WDR33: variants seen among roughly 807,000 people sequenced by gnomAD.
The protein encoded by WDR33 is WD repeat domain 33.
A neutral mutation model predicts 164.9 loss-of-function variants in WDR33; 47 were observed. That is an observed-to-expected ratio of 0.29 (90% CI 0.23 to 0.36). WDR33 has a LOEUF of 0.36. Ranked by LOEUF, WDR33 falls within the 10% of genes least tolerant of loss-of-function variation. WDR33 has a pLI of 1.00. For synonymous variants in WDR33, 505 were observed against 589.0 expected, an observed-to-expected ratio of 0.86 and a Z score of 2.06; for missense variants, 1,137 against 1,754.1, an observed-to-expected ratio of 0.65 and a Z score of 6.28.
intron 7 of WDR33, among the ~76,000 whole-genome samples, chr2:127,751,127 G>A (rs964195887): frequency 5.3e-5 from 8 of 151,912 alleles, no homozygotes; most frequent in Admixed American, 3.9e-4. Flanking sequence ...TTGGAAGGCA[G>A]AGGCGGGAGG....
Position 127,719,243 on chromosome 2 carries a change from G to A in WDR33, c.2760+22C>T, listed in dbSNP as rs75921649. On this transcript the variant is annotated intron_variant, in intron 16 of 21. Transcript: ENST00000322313. The surrounding 1 kb of genome is among the most constrained non-coding windows in gnomAD (Gnocchi z 6.5). ...CAGAGTGTATTTTCCCAATGTGCCCGTGAGTTGGAAATGAATAATACCTGG... is the reference window on the plus strand; with the variant it reads ...CAGAGTGTATTTTCCCAATGTGCCCATGAGTTGGAAATGAATAATACCTGG... 14 of 1,396,346 alleles carry A rather than the reference G, an allele frequency of 1.0e-5. No individual in the cohort carries two copies. The highest frequency in any genetic ancestry group is 1.9e-4 in the Middle Eastern group (1 of 5,216). The allele number at this position is 1,396,346 out of a possible 1,614,324, so 86.5% of individuals were successfully genotyped here. A position where few individuals can be genotyped will look rare whatever the true frequency, so the allele number is the denominator to read the frequency against.
intron 4 of WDR33, 93 bp from the exon 5 acceptor site, chr2:127,765,362 CATT>C: frequency 1.2e-6 from 1 of 860,570 alleles, no homozygotes; most frequent in Non-Finnish European, 1.8e-6. Flanking sequence ...CAATAACTGA[CATT>C]AAATAATGAT....
chr2:127,746,011 C>T (rs1243846120), intron 7 of WDR33, among the ~76,000 whole-genome samples: 20 of 138,230 alleles, frequency 1.4e-4, no homozygotes, highest in Non-Finnish European at 1.5e-5. Flanking sequence ...GGAGACAGAG[C>T]GAGACTCTGT....
At position 127,738,148 on chromosome 2, in the gene WDR33, G is replaced by A; in HGVS notation, c.725-11371C>T. The A allele has an allele frequency of 1.7e-6, 2 of 1,197,606 alleles. No individual in the cohort carries two copies. Among genetic ancestry groups the A allele is most frequent in the Non-Finnish European group, 2.2e-6 (2 of 890,810 alleles). 74.2% of individuals were successfully genotyped at this position (1,197,606 alleles called of 1,614,324 possible). A position where few individuals can be genotyped will look rare whatever the true frequency, so the allele number is the denominator to read the frequency against. ...GGCAGATTGTGTAATTTCCAGATAT[G>A]ACTGAGATTTTTTTCTATTAATGAG... is the stretch of plus-strand genomic sequence containing the variant. On this transcript the variant is annotated intron_variant, in intron 7 of 21. Coordinates refer to ENST00000322313, the MANE Select transcript of WDR33 (RefSeq NM_018383.5). This position sits in a 1 kb window ranked among gnomAD's most constrained non-coding sequence, Gnocchi z 4.4.
Position 127,724,584 on chromosome 2 carries a change from C to T in WDR33, c.1086-141G>A, listed in dbSNP as rs184990812. 139 of 744,388 alleles carry T rather than the reference C, an allele frequency of 1.9e-4. 1 individual carries two copies. The East Asian group carries it at 2.1e-3, about 11-fold the overall frequency. The allele number at this position is 744,388 out of a possible 1,614,324, so 46.1% of individuals were successfully genotyped here. A position where few individuals can be genotyped will look rare whatever the true frequency, so the allele number is the denominator to read the frequency against. On this transcript the variant is annotated intron_variant, in intron 10 of 21. Transcript: ENST00000322313. This position sits in a 1 kb window ranked among gnomAD's most constrained non-coding sequence, Gnocchi z 4.8. ...GGACTCTGGTGAATTCCACATGTCT[C>T]GGGGTATTGGCTTGTCATTGCCAAA...
chr2:127,776,261 A>C (rs1688180324), intron 1 of WDR33, among the ~76,000 whole-genome samples: 1 of 152,210 alleles, frequency 6.6e-6, no homozygotes, highest in Non-Finnish European at 1.5e-5. Flanking sequence ...GCTCTCCAGG[A>C]ACCAGCCCTG....
chr2:127,786,986 T>G (rs890058780), intron 1 of WDR33, among the ~76,000 whole-genome samples: 1 of 120,722 alleles, frequency 8.3e-6, no homozygotes, highest in Non-Finnish European at 1.7e-5. Flanking sequence ...CTGGTTTTCC[T>G]AGGCAGAGGA....
rs1686411133 is a variant in WDR33, at chr2:127,720,486, G to GT, written c.1672-134dup. The GT allele has an allele frequency of 9.1e-7, 1 of 1,095,314 alleles. No individual in the cohort carries two copies. Among genetic ancestry groups the GT allele is most frequent in the African/African-American group, 1.6e-5 (1 of 62,504 alleles). The allele number at this position is 1,095,314 out of a possible 1,614,324, so 67.8% of individuals were successfully genotyped here. A position where few individuals can be genotyped will look rare whatever the true frequency, so the allele number is the denominator to read the frequency against. ...TGCTCAAACTCTTCACGCTCCAGTGGTAATTAGAGTCCATGCAACACTCAA... is the reference window on the plus strand; with the variant it reads ...TGCTCAAACTCTTCACGCTCCAGTGGTTAATTAGAGTCCATGCAACACTCAA... On this transcript the variant is annotated intron_variant, in intron 15 of 21. Coordinates refer to ENST00000322313, the MANE Select transcript of WDR33 (RefSeq NM_018383.5). This position sits in a 1 kb window ranked among gnomAD's most constrained non-coding sequence, Gnocchi z 5.9.
At chr2:127,742,808 A>T (rs1687055806) in intron 7 of WDR33, among the ~76,000 whole-genome samples, 1 of 151,802 alleles carries the variant, frequency 6.6e-6, no homozygotes, top group South Asian at 2.1e-4. Flanking sequence ...ACTGCAGATG[A>T]CAGTATGCCA....
At chr2:127,760,044 T>C (rs1687632239) in intron 7 of WDR33, among the ~76,000 whole-genome samples, 1 of 152,320 alleles carries the variant, frequency 6.6e-6, no homozygotes, top group South Asian at 2.1e-4. Flanking sequence ...ATTTTTGGTA[T>C]TCCCGTAGGC....
chr2:127,701,508 T>C lies in WDR33; in HGVS notation c.*4815A>G. 5 of 1,287,020 alleles carry C rather than the reference T, an allele frequency of 3.9e-6. No individual in the cohort carries two copies. The South Asian group carries it at 7.8e-5, about 20-fold the overall frequency. 79.7% of individuals were successfully genotyped at this position (1,287,020 alleles called of 1,614,324 possible). A position where few individuals can be genotyped will look rare whatever the true frequency, so the allele number is the denominator to read the frequency against. ...CGGAAGTGAGCCGCAGCTTTTCCTT[T>C]CTGCCACCGCCTTGTCCAAGATGGC... On this transcript the variant is annotated 3_prime_UTR_variant, in exon 22 of 22. Transcript: ENST00000322313.
intron 7 of WDR33, among the ~76,000 whole-genome samples, chr2:127,731,294 CAAAAA>C (rs35161101): frequency 1.4e-5 from 1 of 70,326 alleles, no homozygotes; most frequent in Non-Finnish European, 2.7e-5. Flanking sequence ...GACCCTGCCT[CAAAAA>C]AAAAAAAAAA....
At chr2:127,734,753 T>C (rs1172754901) in intron 7 of WDR33, among the ~76,000 whole-genome samples, 2 of 152,162 alleles carry the variant, frequency 1.3e-5, no homozygotes, top group Non-Finnish European at 2.9e-5. Flanking sequence ...AAGTTAATAC[T>C]TAGAATAAAA....
chr2:127,701,473 A>C lies in WDR33; in HGVS notation c.*4850T>G. ...TGCCGCCCGAAGACCGAACCGCTTC[A>C]GCGGAGGGCCGGAAGTGAGCCGCAG... On this transcript the variant is annotated 3_prime_UTR_variant, in exon 22 of 22. Coordinates refer to ENST00000322313, the MANE Select transcript of WDR33 (RefSeq NM_018383.5). 8.0e-7 allele frequency: 1 copy of C among 1,245,460 alleles called. No homozygotes were observed. The highest frequency in any genetic ancestry group is 1.0e-6 in the Non-Finnish European group (1 of 991,356). The allele number at this position is 1,245,460 out of a possible 1,614,324, so 77.2% of individuals were successfully genotyped here. A position where few individuals can be genotyped will look rare whatever the true frequency, so the allele number is the denominator to read the frequency against.
At chr2:127,756,838 T>C (rs1299667397) in intron 7 of WDR33, among the ~76,000 whole-genome samples, 2 of 152,058 alleles carry the variant, frequency 1.3e-5, no homozygotes, top group Non-Finnish European at 2.9e-5. Flanking sequence ...TCCCAGCACT[T>C]TGGGAGGCCA....
intron 7 of WDR33, among the ~76,000 whole-genome samples, chr2:127,749,778 G>C (rs72968978): frequency 0.017 from 2,529 of 151,104 alleles, 19 homozygotes; most frequent in East Asian, 0.03. Context: ...AGTGTTTCTC[G>C]TCAGCAAGAA....
chr2:127,753,708 A>C (rs1573918193), intron 7 of WDR33, among the ~76,000 whole-genome samples: 1 of 152,322 alleles, frequency 6.6e-6, no homozygotes, highest in Non-Finnish European at 1.5e-5. Context: ...AAAAGTAATA[A>C]AACAGCATTT....
At position 127,718,156 on chromosome 2, in the gene WDR33, T is replaced by G. The variant is rs902531359; in HGVS notation, c.2761-893A>C. On this transcript the variant is annotated intron_variant, in intron 16 of 21. Coordinates refer to ENST00000322313, the MANE Select transcript of WDR33 (RefSeq NM_018383.5). The surrounding 1 kb of genome is among the most constrained non-coding windows in gnomAD (Gnocchi z 4.4). ...ACTTTTAGGTTCTGGAAGACCTACT[T>G]TAGAATAGTAGATAATTTATTTGTT... Among the ~76,000 whole-genome samples, 6 of 152,160 alleles carry G rather than the reference T, an allele frequency of 3.9e-5. No homozygotes were observed. The highest frequency in any genetic ancestry group is 6.5e-5 in the Admixed American group (1 of 15,282).
At chr2:127,809,031 C>CAAAAAAAAAAAAAAAAAA in intron 1 of WDR33, among the ~76,000 whole-genome samples, 1 of 84,934 alleles carries the variant, frequency 1.2e-5, no homozygotes, top group Non-Finnish European at 2.3e-5. Flanking sequence ...ACTCTTGTCT[C>CAAAAAAAAAAAAAAAAAA]AAAAAAAAAA....
Sources: allele counts gnomAD v4.1 joint callset (sites outside exome capture counted in the v4.1 genomes callset), GRCh38; gene constraint gnomAD v4.1.1; non-coding constraint Gnocchi (gnomAD v3.1); transcripts MANE v1.5; gene names NCBI Gene and HGNC (gene_info 2026-07-23, HGNC 2026-07-21).